The following SSH2 variants were observed in gnomAD, a reference collection of about 807,000 sequenced individuals.
SSH2 encodes the protein protein phosphatase Slingshot homolog 2.
SSH2 carries 37 observed loss-of-function variants against 135.2 expected under a neutral mutation model. That is an observed-to-expected ratio of 0.27 (90% CI 0.21 to 0.36). The LOEUF (loss-of-function observed/expected upper bound fraction) is 0.36, where lower values mean the gene tolerates loss of function less well. Among genes scored for constraint, SSH2 ranks in the 10% least tolerant of loss-of-function variants. The pLI, the probability that SSH2 is intolerant of heterozygous loss-of-function variation, is 1.00. For missense variants in SSH2, 1,408 were observed against 1,765.3 expected (o/e 0.80, Z 3.63); for synonymous variants, 628 against 646.2 (o/e 0.97, Z 0.43).
At chr17:29,759,926 C>A (rs2041236970) in intron 3 of SSH2, among the ~76,000 whole-genome samples, 1 of 152,166 alleles carries the variant, frequency 6.6e-6, no homozygotes, top group Non-Finnish European at 1.5e-5. Context: ...CTTCTTCACT[C>A]TATGACCGTT....
At chr17:29,857,135 G>A (rs965693037) in intron 1 of SSH2, among the ~76,000 whole-genome samples, 2 of 152,192 alleles carry the variant, frequency 1.3e-5, no homozygotes, top group South Asian at 4.1e-4. Context: ...CCAATTTACT[G>A]TATTAGTCTG....
At chr17:29,898,335 C>G (rs964585288) in intron 1 of SSH2, among the ~76,000 whole-genome samples, 1 of 151,996 alleles carries the variant, frequency 6.6e-6, no homozygotes, top group Non-Finnish European at 1.5e-5. Context: ...ATCAATGAAT[C>G]CAGGAGCTGG....
At chr17:29,902,134 G>C (rs2066569450) in intron 1 of SSH2, among the ~76,000 whole-genome samples, 1 of 151,956 alleles carries the variant, frequency 6.6e-6, no homozygotes, top group South Asian at 2.1e-4. Flanking sequence ...TAACTAATAA[G>C]GCAGAAATGG....
intron 1 of SSH2, among the ~76,000 whole-genome samples, chr17:29,889,802 C>CAAAA (rs534822390): frequency 2.0e-5 from 1 of 49,468 alleles, no homozygotes; most frequent in Non-Finnish European, 4.1e-5. Flanking sequence ...CCATCTCTAC[C>CAAAA]AAAAAAAAAA....
chr17:29,796,513 T>C lies in SSH2; in HGVS notation c.145-2576A>G, dbSNP rs947040987. 1.3e-4 allele frequency among the ~76,000 whole-genome samples: 20 copies of C among 152,014 alleles called. 1 individual carries two copies. The highest frequency in any genetic ancestry group is 6.6e-5 in the Admixed American group (1 of 15,254). On this transcript the variant is annotated intron_variant, in intron 2 of 15. Transcript: ENST00000540801. The stretch of plus-strand genomic sequence containing the variant: ...GTGCCACCATGGCCTGGCTAATTTT[T>C]GTATTTTTAGTAGAGACGGGCTTTC...
rs2035686271 is a variant in SSH2 at position 29,631,779 on chromosome 17, C to T, written c.3415G>A (p.Glu1139Lys). The change falls in exon 16 of 16, where the codon GAG becomes AAG. Residue 1139 changes from glutamate (E) to lysine (K), a missense_variant. This residue lies in a region of SSH2 where 1,080 missense variants were observed against 1,144.5 expected (regional missense o/e 0.94). Coordinates refer to ENST00000540801, the MANE Select transcript of SSH2 (RefSeq NM_001282129.2). ...DRGSSLSTALETAAPFVSHTT... is the reference protein window; with the variant it reads ...DRGSSLSTALKTAAPFVSHTT... Reference sequence around the variant, plus strand: ...TGACTGACAAAAGGTGCTGCTGTCTCCAGGGCTGTGGACAGGCTGCTGCCT... The same window carrying T: ...TGACTGACAAAAGGTGCTGCTGTCTTCAGGGCTGTGGACAGGCTGCTGCCT... 6.2e-7 allele frequency: 1 copy of T among 1,614,194 alleles called. No individual in the cohort carries two copies. Among genetic ancestry groups the T allele is most frequent in the East Asian group, 2.2e-5 (1 of 44,880 alleles).
chr17:29,761,887 A>ATTTTT (rs1157073718), intron 3 of SSH2, among the ~76,000 whole-genome samples: 135 of 143,598 alleles, frequency 9.4e-4, no homozygotes, highest in African/African-American at 1.7e-3. Context: ...ATATATATAT[A>ATTTTT]TTTTTTTTTG....
At chr17:29,905,739 G>A (rs1599172498) in intron 1 of SSH2, among the ~76,000 whole-genome samples, 1 of 152,144 alleles carries the variant, frequency 6.6e-6, no homozygotes, top group Non-Finnish European at 1.5e-5. Flanking sequence ...TGGGGGCTGG[G>A]CTGCCAGTCC....
chr17:29,722,381 C>T (rs2617867), intron 3 of SSH2, among the ~76,000 whole-genome samples: 66,931 of 151,716 alleles, frequency 0.44, 15,140 homozygotes, highest in Non-Finnish European at 0.49. Flanking sequence ...TGGATCTCAG[C>T]CATACTCTAG....
intron 3 of SSH2, among the ~76,000 whole-genome samples, chr17:29,767,677 A>G (rs1201451051): frequency 1.3e-5 from 2 of 151,760 alleles, no homozygotes; most frequent in African/African-American, 4.8e-5. Flanking sequence ...TTCTACTTGC[A>G]TTTCCCCCTA....
chr17:29,690,012 CAAAAAAAAAAA>C (rs946244880), intron 5 of SSH2, among the ~76,000 whole-genome samples: 8 of 31,364 alleles, frequency 2.6e-4, no homozygotes, highest in Non-Finnish European at 4.0e-4. Context: ...AGATCCATCT[CAAAAAAAAAAA>C]AAAAAAAAAA....
chr17:29,904,208 A>G (rs1281262565), intron 1 of SSH2, among the ~76,000 whole-genome samples: 3 of 152,130 alleles, frequency 2.0e-5, no homozygotes, highest in Non-Finnish European at 1.5e-5. Flanking sequence ...AAAAAGAAAA[A>G]TTCGGGCCAA....
At chr17:29,643,791 G>A (rs2036263606) in intron 14 of SSH2, among the ~76,000 whole-genome samples, 1 of 152,158 alleles carries the variant, frequency 6.6e-6, no homozygotes. Flanking sequence ...ACCGTGCCCG[G>A]CTGTGAATAT....
At chr17:29,713,021 A>T (rs1215871449) in intron 3 of SSH2, among the ~76,000 whole-genome samples, 4 of 152,158 alleles carry the variant, frequency 2.6e-5, no homozygotes, top group Non-Finnish European at 5.9e-5. Flanking sequence ...ATAATAGCTT[A>T]AACAACTAGC....
chr17:29,704,161 T>C (rs1002930977), intron 3 of SSH2, among the ~76,000 whole-genome samples: 1 of 152,176 alleles, frequency 6.6e-6, no homozygotes, highest in African/African-American at 2.4e-5. Flanking sequence ...TTCAATACCG[T>C]CCTGATCAGA....
intron 2 of SSH2, among the ~76,000 whole-genome samples, chr17:29,815,683 T>C (rs2042545815): frequency 1.3e-5 from 2 of 152,224 alleles, no homozygotes; most frequent in South Asian, 4.1e-4. Context: ...AAGCCTCTGC[T>C]GGCAGGTGGC....
chr17:29,658,389 C>T (rs1257283848), intron 11 of SSH2, among the ~76,000 whole-genome samples: 1 of 152,028 alleles, frequency 6.6e-6, no homozygotes, highest in East Asian at 1.9e-4. Flanking sequence ...TCATTGTGCG[C>T]TATAGCCTTG....
At chr17:29,678,630 C>T (rs1305907393) in intron 6 of SSH2, among the ~76,000 whole-genome samples, 2 of 151,786 alleles carry the variant, frequency 1.3e-5, no homozygotes, top group African/African-American at 4.8e-5. Flanking sequence ...GTGCACTGAA[C>T]TAGCACTGCT....
At chr17:29,758,210 G>C (rs1227567568) in intron 3 of SSH2, among the ~76,000 whole-genome samples, 2 of 152,198 alleles carry the variant, frequency 1.3e-5, no homozygotes, top group Non-Finnish European at 2.9e-5. Context: ...AGCAGTCAAA[G>C]ATAATTCCTC....
Sources: allele counts gnomAD v4.1 joint callset (sites outside exome capture counted in the v4.1 genomes callset), GRCh38; gene constraint gnomAD v4.1.1; regional missense constraint gnomAD v4.1.1; transcripts MANE v1.5; gene names NCBI Gene and HGNC (gene_info 2026-07-23, HGNC 2026-07-21).